CDIN1: variants seen among roughly 807,000 people sequenced by gnomAD.
CDIN1 encodes CDAN1-interacting nuclease 1.
A neutral mutation model predicts 45.3 loss-of-function variants in CDIN1; 33 were observed. That is an observed-to-expected ratio of 0.73 (90% CI 0.55 to 0.97). The LOEUF is 0.97. CDIN1 is among the 50% of genes least tolerant of loss of function. CDIN1 has a pLI of 0.00. For missense variants in CDIN1, 303 were observed against 339.4 expected (o/e 0.89, Z 0.84); for synonymous variants, 118 against 124.4 (o/e 0.95, Z 0.34).
At chr15:36,732,256 T>A (rs959475434) in intron 10 of CDIN1, among the ~76,000 whole-genome samples, 2 of 152,082 alleles carry the variant, frequency 1.3e-5, no homozygotes, top group Non-Finnish European at 2.9e-5. Context: ...TCAGAACAGT[T>A]TCTTCAACAA....
rs906005522 is a variant in CDIN1, at chr15:36,579,803, A to T, written c.-58A>T. The T allele has an allele frequency of 1.4e-6, 2 of 1,407,522 alleles. No homozygotes were observed. The highest frequency in any genetic ancestry group is 2.0e-6 in the Non-Finnish European group (2 of 1,017,742). The allele number at this position is 1,407,522 out of a possible 1,614,324, so 87.2% of individuals were successfully genotyped here. Reference sequence around the variant, plus strand: ...CCCCTCATCCCTCGGCACCAAGGCTACTTGAGCCCCAGGGTGTTTTTTCCT... The same window carrying T: ...CCCCTCATCCCTCGGCACCAAGGCTTCTTGAGCCCCAGGGTGTTTTTTCCT... On this transcript the variant is annotated 5_prime_UTR_variant, in exon 1 of 11. Transcript: ENST00000566621.
In CDIN1 at chr15:36,604,286, T is replaced by A. The variant is rs867366266; in HGVS notation, c.101+24325T>A. Among the ~76,000 whole-genome samples, 50 of 148,168 alleles carry A rather than the reference T, an allele frequency of 3.4e-4. 1 individual carries two copies. The highest frequency in any genetic ancestry group is 6.0e-4 in the East Asian group (3 of 4,976). On this transcript the variant is annotated intron_variant, in intron 1 of 10. Transcript: ENST00000566621. ...GAAAGCCACCTGGCTTTTTTTTTTT[T>A]ATAATTAATTGCTTGTAAATAATAA...
chr15:36,611,989 A>G (rs1385119050), intron 1 of CDIN1, among the ~76,000 whole-genome samples: 1 of 152,212 alleles, frequency 6.6e-6, no homozygotes, highest in Non-Finnish European at 1.5e-5. Flanking sequence ...CTTCATTTAT[A>G]ATTGTTGAGT....
At chr15:36,654,236 A>T in intron 4 of CDIN1, 78 bp downstream of exon 4, 1 of 1,217,234 alleles carries the variant, frequency 8.2e-7, no homozygotes, top group African/African-American at 1.5e-5. Context: ...GCTTACAATT[A>T]TAACTACCTT....
At chr15:36,630,148 A>T (rs778565879) in intron 1 of CDIN1, among the ~76,000 whole-genome samples, 4 of 152,074 alleles carry the variant, frequency 2.6e-5, no homozygotes, top group Admixed American at 6.5e-5. Context: ...TGATCTTCTC[A>T]CTCTGTGGTT....
intron 1 of CDIN1, among the ~76,000 whole-genome samples, chr15:36,611,091 T>C (rs986139529): frequency 6.6e-6 from 1 of 152,260 alleles, no homozygotes; most frequent in African/African-American, 2.4e-5. Context: ...AGATCATTTT[T>C]AACAAGTTAT....
chr15:36,724,050 T>G (rs2043533317), intron 10 of CDIN1, among the ~76,000 whole-genome samples: 1 of 152,086 alleles, frequency 6.6e-6, no homozygotes, highest in South Asian at 2.1e-4. Flanking sequence ...ATGCTAGTAT[T>G]TTATCTCTGT....
intron 6 of CDIN1, 87 bp from the exon 7 acceptor site, chr15:36,692,039 A>G: frequency 6.0e-6 from 8 of 1,342,018 alleles, no homozygotes; most frequent in Non-Finnish European, 8.2e-6. Flanking sequence ...TGGGGGAAGA[A>G]AAGTAATTAC....
chr15:36,669,234 A>G (rs929984728), intron 5 of CDIN1: 4 of 152,234 alleles, frequency 2.6e-5, no homozygotes, highest in African/African-American at 7.2e-5. Flanking sequence ...CTATCTGCAT[A>G]TGCACTATTG....
At chr15:36,676,605 A>G (rs1264259340) in intron 5 of CDIN1, among the ~76,000 whole-genome samples, 2 of 152,170 alleles carry the variant, frequency 1.3e-5, no homozygotes, top group Non-Finnish European at 2.9e-5. Context: ...TTCTTTTCAT[A>G]GACTATAAGA....
chr15:36,739,226 A>T (rs912177098), intron 10 of CDIN1, among the ~76,000 whole-genome samples: 10 of 152,204 alleles, frequency 6.6e-5, no homozygotes. Context: ...ACCCTGTTTC[A>T]ACAACAACAA....
At chr15:36,746,124 G>A (rs150173533) in intron 10 of CDIN1, among the ~76,000 whole-genome samples, 177 of 152,276 alleles carry the variant, frequency 1.2e-3, no homozygotes, top group Non-Finnish European at 1.7e-3. Context: ...CTGGGGCAGC[G>A]CTGATAGTTT....
chr15:36,679,990 A>C (rs1342743109), intron 5 of CDIN1, among the ~76,000 whole-genome samples: 1 of 152,190 alleles, frequency 6.6e-6, no homozygotes, highest in Admixed American at 6.5e-5. Flanking sequence ...CACTCTACCC[A>C]AAAAACGGAG....
intron 10 of CDIN1, among the ~76,000 whole-genome samples, chr15:36,781,048 C>T (rs147300510): frequency 1.5e-3 from 224 of 152,232 alleles, no homozygotes; most frequent in African/African-American, 5.2e-3. Flanking sequence ...CTAGATTTAG[C>T]TTGACAGGAA....
chr15:36,580,039 AC>A, intron 1 of CDIN1, 78 bp downstream of exon 1: 1 of 1,253,792 alleles, frequency 8.0e-7, no homozygotes, highest in Non-Finnish European at 1.1e-6. Context: ...GCGCTTAGGA[AC>A]CACGTGTCAC....
intron 1 of CDIN1, among the ~76,000 whole-genome samples, chr15:36,613,321 T>C (rs529922862): frequency 6.6e-6 from 1 of 152,320 alleles, no homozygotes; most frequent in Non-Finnish European, 1.5e-5. Context: ...TAGGTGCAAG[T>C]CACTGTGCTA....
intron 10 of CDIN1, among the ~76,000 whole-genome samples, chr15:36,804,252 T>C (rs146857582): frequency 5.1e-4 from 77 of 152,268 alleles, no homozygotes; most frequent in African/African-American, 1.7e-3. Flanking sequence ...ATAATGAACA[T>C]TGTTGTAACT....
chr15:36,704,600 T>TTAAA (rs2042795132), intron 8 of CDIN1: 1 of 150,956 alleles, frequency 6.6e-6, no homozygotes, highest in Non-Finnish European at 1.5e-5. Flanking sequence ...TAAAACAAAA[T>TTAAA]TAGTTACTAG....
At chr15:36,735,329 T>C (rs570416424) in intron 10 of CDIN1, among the ~76,000 whole-genome samples, 99 of 152,302 alleles carry the variant, frequency 6.5e-4, no homozygotes, top group African/African-American at 2.3e-3. Flanking sequence ...TACATAGTTT[T>C]AGTGTAAAAT....
Sources: allele counts gnomAD v4.1 joint callset (sites outside exome capture counted in the v4.1 genomes callset), GRCh38; gene constraint gnomAD v4.1.1; transcripts MANE v1.5; gene names NCBI Gene and HGNC (gene_info 2026-07-23, HGNC 2026-07-21).